The following OTUB2 variants were observed in gnomAD, a reference collection of about 807,000 sequenced individuals.
OTUB2 encodes OTU deubiquitinase, ubiquitin aldehyde binding 2.
In OTUB2, 21 loss-of-function variants were observed where a neutral mutation model predicts 25.1. That is an observed-to-expected ratio of 0.84 (90% CI 0.59 to 1.21). OTUB2 has a LOEUF of 1.21. Ranked by LOEUF, OTUB2 falls within the 50% of genes most tolerant of loss-of-function variation. The probability of loss-of-function intolerance (pLI) is 0.00; values close to 1 mark genes in which losing one functional copy is unlikely to be tolerated. For missense variants in OTUB2, 283 were observed against 298.0 expected, an observed-to-expected ratio of 0.95 and a Z score of 0.37; for synonymous variants, 122 against 122.8, an observed-to-expected ratio of 0.99 and a Z score of 0.04.
chr14:94,038,607 G>T (rs776245145), intron 2 of OTUB2, among the ~76,000 whole-genome samples: 1 of 102,838 alleles, frequency 9.7e-6, no homozygotes, highest in Non-Finnish European at 1.8e-5. Flanking sequence ...GCCAGCTCCC[G>T]ATTCTCAGTG....
intron 1 of OTUB2, among the ~76,000 whole-genome samples, chr14:94,036,748 G>A (rs1885062027): frequency 6.6e-6 from 1 of 152,136 alleles, no homozygotes; most frequent in African/African-American, 2.4e-5. Context: ...CCGGTAGGTG[G>A]TGCATGAAGA....
rs1114 is a variant in OTUB2, at chr14:94,048,804, G to A, written c.*2882G>A. On this transcript the variant is annotated 3_prime_UTR_variant, in exon 6 of 6. Transcript: ENST00000203664. ...ACCACCCTGAGCAGATACAGGAGTG[G>A]GGAGGGGGCTGTAACTCAGTGAGTG... The A allele has an allele frequency of 0.13, 19,328 of 152,272 alleles. 1,608 individuals are homozygous for A. The highest frequency in any genetic ancestry group is 0.24 in the African/African-American group (9,864 of 41,492). The allele number at this position is 152,272 out of a possible 1,614,324, so 9.4% of individuals were successfully genotyped here.
chr14:94,026,680 C>T, intron 1 of OTUB2, 140 bp downstream of exon 1: 1 of 906,546 alleles, frequency 1.1e-6, no homozygotes, highest in Non-Finnish European at 1.4e-6. Context: ...CTTTCCGACC[C>T]CCTGAAATAC....
intron 1 of OTUB2, among the ~76,000 whole-genome samples, chr14:94,029,493 G>A (rs141804980): frequency 6.6e-6 from 1 of 152,268 alleles, no homozygotes; most frequent in African/African-American, 2.4e-5. Context: ...TGATCTTCAC[G>A]TGGTGTTCTT....
intron 1 of OTUB2, 148 bp from the exon 2 acceptor site, chr14:94,037,232 G>A (rs10138711): frequency 0.12 from 64,032 of 514,246 alleles, 4,925 homozygotes; most frequent in African/African-American, 0.25. Context: ...GGGCGTCTAG[G>A]ATGCTGGTAA....
chr14:94,034,346 G>A (rs889799023), intron 1 of OTUB2, among the ~76,000 whole-genome samples: 5 of 152,180 alleles, frequency 3.3e-5, no homozygotes, highest in South Asian at 4.1e-4. Context: ...GGCAGGAGGT[G>A]GGGACCTGGC....
In OTUB2 at chr14:94,026,425, C is replaced by G. The variant is rs1884859449; in HGVS notation, c.-113C>G. ...GTGTATTCTCCGCCGCCCCCACGCC[C>G]TCGAGGTCCCCGCCACCGAACCAGC... On this transcript the variant is annotated 5_prime_UTR_variant, in exon 1 of 6. Coordinates refer to ENST00000203664, the MANE Select transcript of OTUB2 (RefSeq NM_023112.4). 7.7e-7 allele frequency: 1 copy of G among 1,296,620 alleles called. No individual in the cohort carries two copies. The highest frequency in any genetic ancestry group is 4.1e-5 in the Admixed American group (1 of 24,470). 80.3% of individuals were successfully genotyped at this position (1,296,620 alleles called of 1,614,324 possible).
intron 3 of OTUB2, among the ~76,000 whole-genome samples, chr14:94,040,778 A>C (rs1384741841): frequency 1.3e-5 from 2 of 152,244 alleles, no homozygotes; most frequent in African/African-American, 2.4e-5. Context: ...TGCACAGTAC[A>C]TGAGTATCAC....
chr14:94,044,880 C>CG (rs1885240882), intron 5 of OTUB2, 100 bp downstream of exon 5: 1 of 1,239,398 alleles, frequency 8.1e-7, no homozygotes, highest in Non-Finnish European at 1.1e-6. Context: ...TCGGGTGTCA[C>CG]GACTGCCCTT....
intron 1 of OTUB2, among the ~76,000 whole-genome samples, chr14:94,035,669 G>C (rs1383689608): frequency 6.6e-6 from 1 of 152,096 alleles, no homozygotes; most frequent in Non-Finnish European, 1.5e-5. Flanking sequence ...CCCCATGTCG[G>C]GGGGAGATCA....
chr14:94,037,996 C>T (rs116331791), intron 2 of OTUB2, among the ~76,000 whole-genome samples: 108 of 152,362 alleles, frequency 7.1e-4, no homozygotes, highest in African/African-American at 2.5e-3. Flanking sequence ...GAGCTGGGTG[C>T]CCACTCTGTC....
At chr14:94,036,111 G>A (rs1885050593) in intron 1 of OTUB2, among the ~76,000 whole-genome samples, 1 of 152,190 alleles carries the variant, frequency 6.6e-6, no homozygotes, top group Non-Finnish European at 1.5e-5. Context: ...TTCTTCAGGT[G>A]GAGAAAGGGG....
In OTUB2 at chr14:94,044,030, A is replaced by C; in HGVS notation, c.278A>C (p.His93Pro). ...CTTCTGGCTGCTGGCTTTGAGGAGC[A>C]CAAGTTCAGAAACTTCTTCAATGCT... ...NDLLAAGFEE[H>P]KFRNFFNAFY... Residue 93 changes from histidine to proline, a missense_variant, in exon 4 of 6, where the codon CAC becomes CCC. His to Pro is a moderately conservative substitution (Grantham distance 77, BLOSUM62 -2). Coordinates refer to ENST00000203664, the MANE Select transcript of OTUB2 (RefSeq NM_023112.4). 1 of 1,614,208 alleles carries C rather than the reference A, an allele frequency of 6.2e-7. No homozygotes were observed. The highest frequency in any genetic ancestry group is 8.5e-7 in the Non-Finnish European group (1 of 1,180,010).
rs1885231558 is a variant in OTUB2 at position 94,044,661 on chromosome 14, G to A, written c.379G>A (p.Ala127Thr). 4.3e-6 allele frequency: 7 copies of A among 1,614,216 alleles called. No homozygotes were observed. Among genetic ancestry groups the A allele is most frequent in the Non-Finnish European group, 5.9e-6 (7 of 1,180,048 alleles). ...SLLKVFNDQS[A>T]SDHIVQFLRL... ...GCTGAAGGTGTTCAACGACCAGAGT[G>A]CCTCGGACCACATCGTGCAGTTCCT... Residue 127 changes from alanine (A) to threonine (T), a missense_variant, in exon 5 of 6, where the codon GCC (alanine) becomes ACC (threonine). Ala to Thr is a moderately conservative substitution (Grantham distance 58). Transcript: ENST00000203664.
In OTUB2 at chr14:94,047,937, C is replaced by T. The variant is rs1332718118; in HGVS notation, c.*2015C>T. On this transcript the variant is annotated 3_prime_UTR_variant, in exon 6 of 6. Transcript: ENST00000203664. ...CAGAAAAGAATCTATTCTATCACTT[C>T]AGAATCAGGACACTCAAGCTCTGGC... 1 of 152,262 alleles carries T rather than the reference C, an allele frequency of 6.6e-6. No individual in the cohort carries two copies. The highest frequency in any genetic ancestry group is 6.5e-5 in the Admixed American group (1 of 15,286). The allele number at this position is 152,262 out of a possible 1,614,324, so 9.4% of individuals were successfully genotyped here.
At chr14:94,032,580 G>A (rs1386590874) in intron 1 of OTUB2, among the ~76,000 whole-genome samples, 1 of 152,044 alleles carries the variant, frequency 6.6e-6, no homozygotes, top group African/African-American at 2.4e-5. Flanking sequence ...TTTCAGTTTG[G>A]GATGATTAAA....
At position 94,048,535 on chromosome 14, in the gene OTUB2, C is replaced by T. The variant is rs1367265915; in HGVS notation, c.*2613C>T. ...AATTCCCAAGTTTGTGAAATGGCAA[C>T]AATACCTATGTGTCACTGGATTATT... On this transcript the variant is annotated 3_prime_UTR_variant, in exon 6 of 6. Coordinates refer to ENST00000203664, the MANE Select transcript of OTUB2 (RefSeq NM_023112.4). The T allele has an allele frequency of 2.0e-5, 3 of 152,210 alleles. No individual in the cohort carries two copies. The highest frequency in any genetic ancestry group is 2.1e-4 in the South Asian group (1 of 4,830). The allele number at this position is 152,210 out of a possible 1,614,324, so 9.4% of individuals were successfully genotyped here.
At chr14:94,040,787 A>G (rs1314073098) in intron 3 of OTUB2, among the ~76,000 whole-genome samples, 7 of 152,326 alleles carry the variant, frequency 4.6e-5, no homozygotes, top group Middle Eastern at 3.4e-3. Context: ...CATGAGTATC[A>G]CGTTTGAGGT....
At chr14:94,030,957 G>A (rs1392063829) in intron 1 of OTUB2, among the ~76,000 whole-genome samples, 6 of 152,140 alleles carry the variant, frequency 3.9e-5, no homozygotes, top group Non-Finnish European at 7.3e-5. Context: ...CACTCCTTTC[G>A]GACTTGTGGC....
Sources: gnomAD v4.1 joint callset for allele counts (sites outside exome capture counted in the v4.1 genomes callset) on GRCh38, gnomAD v4.1.1 for gene constraint, MANE v1.5 for transcripts, NCBI Gene and HGNC (gene_info 2026-07-23, HGNC 2026-07-21) for gene names.